The following MYRIP variants were observed in gnomAD, a reference collection of about 807,000 sequenced individuals.
MYRIP encodes the protein myosin VIIA and Rab interacting protein.
MYRIP carries 49 observed loss-of-function variants against 98.0 expected under a neutral mutation model. The observed-to-expected ratio is 0.50, with a 90% confidence interval of 0.40 to 0.63. The LOEUF is 0.63. Ranked by LOEUF, MYRIP falls within the 30% of genes least tolerant of loss-of-function variation. MYRIP has a pLI of 0.00. For missense variants in MYRIP, 1,004 were observed against 1,058.2 expected, an observed-to-expected ratio of 0.95 and a Z score of 0.71; for synonymous variants, 404 against 409.5, an observed-to-expected ratio of 0.99 and a Z score of 0.16.
intron 3 of MYRIP, among the ~76,000 whole-genome samples, chr3:40,122,506 A>T (rs1949425603): frequency 6.6e-6 from 1 of 151,778 alleles, no homozygotes; most frequent in African/African-American, 2.4e-5. Context: ...CATAAAGATA[A>T]TCATCTTATT....
intron 3 of MYRIP, among the ~76,000 whole-genome samples, chr3:40,099,719 G>A (rs1406138373): frequency 2.0e-5 from 3 of 152,106 alleles, no homozygotes; most frequent in African/African-American, 4.8e-5. Context: ...AAGCATGTTT[G>A]TATTAAGAAC....
At chr3:40,075,001 A>G (rs1023980519) in intron 3 of MYRIP, among the ~76,000 whole-genome samples, 7 of 152,220 alleles carry the variant, frequency 4.6e-5, no homozygotes, top group Admixed American at 4.6e-4. Context: ...GAAAAAGGAC[A>G]TGTGAAATAA....
chr3:40,068,003 A>G (rs1361097299), intron 3 of MYRIP, among the ~76,000 whole-genome samples: 1 of 152,236 alleles, frequency 6.6e-6, no homozygotes, highest in African/African-American at 2.4e-5. Flanking sequence ...TTAATAGTCT[A>G]TCATGATATT....
At chr3:39,982,948 T>C (rs905433049) in intron 2 of MYRIP, among the ~76,000 whole-genome samples, 2 of 152,218 alleles carry the variant, frequency 1.3e-5, no homozygotes, top group African/African-American at 4.8e-5. Flanking sequence ...ATATTACTTT[T>C]GACCTATCAT....
intron 11 of MYRIP, among the ~76,000 whole-genome samples, chr3:40,217,338 G>A (rs1160287118): frequency 6.6e-6 from 1 of 151,994 alleles, no homozygotes; most frequent in African/African-American, 2.4e-5. Flanking sequence ...TCAACATATT[G>A]GCAAATTGTT....
At chr3:39,990,696 G>A (rs952161262) in intron 2 of MYRIP, among the ~76,000 whole-genome samples, 1 of 152,118 alleles carries the variant, frequency 6.6e-6, no homozygotes, top group Admixed American at 6.5e-5. Context: ...TGGTCATCGT[G>A]GCCCAAGAGA....
intron 2 of MYRIP, among the ~76,000 whole-genome samples, chr3:40,010,665 A>G (rs908174899): frequency 2.0e-4 from 30 of 152,288 alleles, no homozygotes; most frequent in Admixed American, 1.6e-3. Context: ...TACATGCTCT[A>G]CTATGCTTTG....
intron 2 of MYRIP, among the ~76,000 whole-genome samples, chr3:40,038,432 T>C (rs1275368027): frequency 6.6e-6 from 1 of 152,090 alleles, no homozygotes. Flanking sequence ...GGAGGACTAA[T>C]AAACCATGTA....
At chr3:39,914,749 T>C (rs2125684141) in intron 2 of MYRIP, among the ~76,000 whole-genome samples, 1 of 152,272 alleles carries the variant, frequency 6.6e-6, no homozygotes, top group Non-Finnish European at 1.5e-5. Context: ...CAGTCATCAT[T>C]TGTAAACCTA....
intron 10 of MYRIP, among the ~76,000 whole-genome samples, chr3:40,208,084 T>A (rs1216841280): frequency 6.6e-6 from 1 of 152,144 alleles, no homozygotes; most frequent in Non-Finnish European, 1.5e-5. Flanking sequence ...TTCTTTAGCA[T>A]AATTGGGAAT....
intron 2 of MYRIP, among the ~76,000 whole-genome samples, chr3:39,932,875 T>G (rs1025710015): frequency 6.6e-6 from 1 of 152,228 alleles, no homozygotes. Flanking sequence ...AGAGATGTGC[T>G]TAAACTTTCC....
chr3:40,162,667 C>A, intron 4 of MYRIP, 63 bp from the exon 5 acceptor site: 3 of 1,419,542 alleles, frequency 2.1e-6, no homozygotes, highest in Non-Finnish European at 3.0e-6. Flanking sequence ...CACAGTGCAT[C>A]AGGGTTCACT....
At chr3:40,257,134 T>A (rs1039240262) in intron 16 of MYRIP, among the ~76,000 whole-genome samples, 3 of 152,196 alleles carry the variant, frequency 2.0e-5, no homozygotes, top group Non-Finnish European at 2.9e-5. Context: ...AAGACCAGCC[T>A]GGGCAACATA....
intron 1 of MYRIP, among the ~76,000 whole-genome samples, chr3:39,897,826 CTTTTTTTTTT>C (rs66846258): frequency 7.5e-6 from 1 of 134,098 alleles, no homozygotes; most frequent in African/African-American, 2.7e-5. Context: ...AAGTCCTGAT[CTTTTTTTTTT>C]TTTTTTTTTA....
rs1305265952 is a variant in MYRIP at position 40,182,239 on chromosome 3, C to T, written c.893C>T (p.Ser298Leu). The T allele has an allele frequency of 3.1e-6, 5 of 1,612,148 alleles. No individual in the cohort carries two copies. Among genetic ancestry groups the T allele is most frequent in the Middle Eastern group, 1.6e-4 (1 of 6,080 alleles). The change falls in exon 9 of 17, where the codon TCA (serine) becomes TTA (leucine). Residue 298 changes from serine (S) to leucine (L), a missense_variant. By Grantham distance (145) the Ser-to-Leu change is moderately radical. Transcript: ENST00000302541. Reference sequence around the variant, plus strand: ...CCACAGAGGTCCCAGTCTGCCTTCTCAATCACTGGAGAAGAAGCCCTGAAG... The same window carrying T: ...CCACAGAGGTCCCAGTCTGCCTTCTTAATCACTGGAGAAGAAGCCCTGAAG... ...AALWRSQSAFSITGEEALKTP... is the reference protein window; with the variant it reads ...AALWRSQSAFLITGEEALKTP...
chr3:40,026,428 CA>C (rs1231644382), intron 2 of MYRIP, among the ~76,000 whole-genome samples: 3 of 152,134 alleles, frequency 2.0e-5, no homozygotes, highest in Non-Finnish European at 4.4e-5. Flanking sequence ...ACATGTTTTA[CA>C]ATCAATTTGT....
chr3:40,011,270 GTGGTGC>G (rs1015917669), intron 2 of MYRIP, among the ~76,000 whole-genome samples: 1 of 152,178 alleles, frequency 6.6e-6, no homozygotes, highest in African/African-American at 2.4e-5. Flanking sequence ...CTAGCTGCAA[GTGGTGC>G]TGGGAAACAC....
At position 39,869,258 on chromosome 3, in the gene MYRIP, C is replaced by T. The variant is rs187392111; in HGVS notation, c.-30-31529C>T. Among the ~76,000 whole-genome samples the T allele has an allele frequency of 3.7e-3, 567 of 152,236 alleles. 1 individual carries two copies. The highest frequency in any genetic ancestry group is 4.9e-3 in the Non-Finnish European group (334 of 68,012). ...AGACTCTCTTCATTCTTTTCACATT[C>T]CTTTTTTTAATTGTTCAGACTAATC... On this transcript the variant is annotated intron_variant, in intron 1 of 16. Transcript: ENST00000302541.
At position 40,182,350 on chromosome 3, in the gene MYRIP, G is replaced by T; in HGVS notation, c.1004G>T (p.Ser335Ile). The change falls in exon 9 of 17, where the codon AGT becomes ATT. Residue 335 changes from serine (S) to isoleucine (I), a missense_variant. This residue lies in a region of MYRIP where 880 missense variants were observed against 907.7 expected (regional missense o/e 0.97). Transcript: ENST00000302541. ...RAESALPSWK[S>I]VDRLDETNLA... ...GAGTCTGCTCTGCCCAGCTGGAAGA[G>T]TGTGGACAGGCTGGATGAAACAAGT... 1 of 1,613,374 alleles carries T rather than the reference G, an allele frequency of 6.2e-7. No homozygotes were observed. Among genetic ancestry groups the T allele is most frequent in the African/African-American group, 1.3e-5 (1 of 75,000 alleles).
Sources: allele counts gnomAD v4.1 joint callset (sites outside exome capture counted in the v4.1 genomes callset), GRCh38; gene constraint gnomAD v4.1.1; regional missense constraint gnomAD v4.1.1; transcripts MANE v1.5; gene names NCBI Gene and HGNC (gene_info 2026-07-23, HGNC 2026-07-21).